DLG2: variants seen among roughly 807,000 people sequenced by gnomAD.
DLG2 encodes disks large homolog 2.
A neutral mutation model predicts 132.5 loss-of-function variants in DLG2; 45 were observed. The observed-to-expected ratio is 0.34, with a 90% CI of 0.27 to 0.44. The LOEUF (loss-of-function observed/expected upper bound fraction) is 0.44, where lower values mean the gene tolerates loss of function less well. Ranked by LOEUF, DLG2 falls within the 20% of genes least tolerant of loss-of-function variation. DLG2 has a pLI of 1.00. For synonymous variants in DLG2, 424 were observed against 419.6 expected (o/e 1.01, Z -0.13); for missense variants, 1,045 against 1,196.9 (o/e 0.87, Z 1.87).
intron 3 of DLG2, among the ~76,000 whole-genome samples, chr11:85,573,961 T>C (rs1455181097): frequency 6.6e-6 from 1 of 152,148 alleles, no homozygotes; most frequent in East Asian, 1.9e-4. Context: ...TCAGTTAGAC[T>C]AAATTTCTTA....
At chr11:84,689,548 A>G (rs1049592359) in intron 6 of DLG2, among the ~76,000 whole-genome samples, 2 of 152,122 alleles carry the variant, frequency 1.3e-5, no homozygotes, top group Non-Finnish European at 2.9e-5. Flanking sequence ...ATGCATTTAA[A>G]TAGTTAACTA....
At chr11:85,614,069 A>G (rs2081184878) in intron 2 of DLG2, among the ~76,000 whole-genome samples, 1 of 152,346 alleles carries the variant, frequency 6.6e-6, no homozygotes, top group Admixed American at 6.5e-5. Context: ...ACATCCAAAC[A>G]TCAGAAGGAA....
chr11:84,485,801 G>C (rs1466396951), intron 7 of DLG2, among the ~76,000 whole-genome samples: 1 of 152,040 alleles, frequency 6.6e-6, no homozygotes, highest in Non-Finnish European at 1.5e-5. Context: ...TGTTAATCTG[G>C]TTAGGTTAGG....
chr11:84,300,901 CA>C (rs1405817892), intron 7 of DLG2, among the ~76,000 whole-genome samples: 1 of 152,124 alleles, frequency 6.6e-6, no homozygotes, highest in Admixed American at 6.6e-5. Flanking sequence ...AGCAATTTGG[CA>C]ATTAACTCTA....
chr11:83,495,177 G>A (rs1013013760), intron 21 of DLG2, among the ~76,000 whole-genome samples: 3 of 152,096 alleles, frequency 2.0e-5, no homozygotes, highest in Admixed American at 2.0e-4. Context: ...GACAGTGGTG[G>A]CAGTGGGCAG....
intron 21 of DLG2, among the ~76,000 whole-genome samples, chr11:83,531,742 T>C (rs937878211): frequency 3.3e-5 from 5 of 149,866 alleles, no homozygotes; most frequent in African/African-American, 4.9e-5. Flanking sequence ...TTGGAAACAA[T>C]TGAAATGTCC....
At position 85,146,227 on chromosome 11, in the gene DLG2, C is replaced by T. The variant is rs201885516; in HGVS notation, c.282+8329G>A. On this transcript the variant is annotated intron_variant, in intron 5 of 27. Coordinates refer to ENST00000376104, the MANE Select transcript of DLG2 (RefSeq NM_001142699.3). ...AAGTCTGTCTGTATGTCTGTTTCTC[C>T]CTCTCTCTCTCTCTCTCTCTCTCTC... 5.6e-3 allele frequency among the ~76,000 whole-genome samples: 722 copies of T among 129,158 alleles called. 10 individuals are homozygous for T. The highest frequency in any genetic ancestry group is 0.022 in the East Asian group (100 of 4,552). The allele number at this position is 129,158 out of a possible 152,430, so 84.7% of individuals were successfully genotyped here. A position where few individuals can be genotyped will look rare whatever the true frequency, so the allele number is the denominator to read the frequency against.
intron 18 of DLG2, among the ~76,000 whole-genome samples, chr11:83,686,389 T>C (rs998174796): frequency 5.9e-5 from 9 of 151,404 alleles, no homozygotes; most frequent in African/African-American, 2.0e-4. Flanking sequence ...AAACATTATA[T>C]ACTAAATATT....
chr11:83,610,534 C>A (rs950507159), intron 19 of DLG2, among the ~76,000 whole-genome samples: 1 of 122,912 alleles, frequency 8.1e-6, no homozygotes, highest in African/African-American at 3.2e-5. Context: ...AGTATAGCAA[C>A]CAACTATCGA....
At chr11:84,193,821 C>T (rs941596815) in intron 8 of DLG2, among the ~76,000 whole-genome samples, 3 of 152,148 alleles carry the variant, frequency 2.0e-5, no homozygotes, top group Admixed American at 2.0e-4. Context: ...GAAGCTTGTA[C>T]AACTTTTGGA....
intron 7 of DLG2, among the ~76,000 whole-genome samples, chr11:84,421,268 G>C (rs1382100655): frequency 6.6e-6 from 1 of 152,118 alleles, no homozygotes; most frequent in Non-Finnish European, 1.5e-5. Context: ...CCCAGTTTAT[G>C]GTATTTTGTT....
chr11:85,033,891 A>G (rs1474255633), intron 6 of DLG2, among the ~76,000 whole-genome samples: 1 of 152,156 alleles, frequency 6.6e-6, no homozygotes, highest in Non-Finnish European at 1.5e-5. Context: ...GATATGTGAA[A>G]GAATTTTTGT....
chr11:85,147,233 T>C (rs2076929064), intron 5 of DLG2, among the ~76,000 whole-genome samples: 1 of 152,200 alleles, frequency 6.6e-6, no homozygotes, highest in South Asian at 2.1e-4. Context: ...CAGATAGTTA[T>C]TCAATTTGGT....
rs957061097 is a variant in DLG2 at position 84,749,828 on chromosome 11, C to T, written c.358-215097G>A. Among the ~76,000 whole-genome samples, 13 of 152,218 alleles carry T rather than the reference C, an allele frequency of 8.5e-5. No homozygotes were observed. In the East Asian group the frequency reaches 1.2e-3, roughly 14 times the overall value. Reference sequence around the variant, plus strand: ...TTCCCCCTGCTGTTGGTTTCCTCTACGTGTTTAGCACTATAGTAGCATGTC... The same window carrying T: ...TTCCCCCTGCTGTTGGTTTCCTCTATGTGTTTAGCACTATAGTAGCATGTC... On this transcript the variant is annotated intron_variant, in intron 6 of 27. Coordinates refer to ENST00000376104, the MANE Select transcript of DLG2 (RefSeq NM_001142699.3).
At chr11:84,619,463 C>T (rs938131840) in intron 6 of DLG2, among the ~76,000 whole-genome samples, 1 of 150,700 alleles carries the variant, frequency 6.6e-6, no homozygotes, top group Non-Finnish European at 1.5e-5. Context: ...AGGTTAAAGC[C>T]CCAAAAGTAG....
rs891618723 is a variant in DLG2, at chr11:83,831,461, G to A, written c.1722+2153C>T. Among the ~76,000 whole-genome samples, 10 of 151,908 alleles carry A rather than the reference G, an allele frequency of 6.6e-5. No individual in the cohort carries two copies. In the East Asian group the frequency reaches 7.8e-4, roughly 12 times the overall value. On this transcript the variant is annotated intron_variant, in intron 17 of 27. Coordinates refer to ENST00000376104, the MANE Select transcript of DLG2 (RefSeq NM_001142699.3). ...GACAAGGCTATTCATGCAAATTTCC[G>A]GACACCTTACTAAAGTCAACTGACT...
In DLG2 at chr11:83,909,345, C is replaced by T. The variant is rs151161947; in HGVS notation, c.1496+20983G>A. 3.3e-5 allele frequency among the ~76,000 whole-genome samples: 5 copies of T among 152,252 alleles called. No individual in the cohort carries two copies. The East Asian group carries it at 9.7e-4, about 29-fold the overall frequency. On this transcript the variant is annotated intron_variant, in intron 15 of 27. Coordinates refer to ENST00000376104, the MANE Select transcript of DLG2 (RefSeq NM_001142699.3). ...TTTCAGTGCTAACGCTCTTTGATTC[C>T]ATCCAGCTGCAAGGTTTTTGCAAAT...
At chr11:85,320,096 G>A (rs1016126075) in intron 3 of DLG2, among the ~76,000 whole-genome samples, 1 of 151,864 alleles carries the variant, frequency 6.6e-6, no homozygotes, top group South Asian at 2.1e-4. Context: ...TGTGCTAGCA[G>A]CACATGCCAT....
At chr11:85,298,806 CTT>C (rs2079404615) in intron 3 of DLG2, among the ~76,000 whole-genome samples, 1 of 152,094 alleles carries the variant, frequency 6.6e-6, no homozygotes, top group Admixed American at 6.5e-5. Flanking sequence ...ACAGATTGCT[CTT>C]GTTCCCAGGA....
Sources: allele counts gnomAD v4.1 joint callset (sites outside exome capture counted in the v4.1 genomes callset), GRCh38; gene constraint gnomAD v4.1.1; transcripts MANE v1.5; gene names NCBI Gene and HGNC (gene_info 2026-07-23, HGNC 2026-07-21).